Variants in CNTNAP4 observed in about 807,000 individuals in gnomAD.
CNTNAP4 encodes the protein contactin associated protein family member 4.
In CNTNAP4, 98 loss-of-function variants were observed where a neutral mutation model predicts 148.4. The observed-to-expected ratio is 0.66, with a 90% CI of 0.56 to 0.78. The LOEUF is 0.78. Ranked by LOEUF, CNTNAP4 falls within the 30% of genes least tolerant of loss-of-function variation. CNTNAP4 has a pLI of 0.00. For synonymous variants in CNTNAP4, 730 were observed against 565.1 expected (o/e 1.29, Z -4.14); for missense variants, 1,935 against 1,565.6 (o/e 1.24, Z -3.98).
intron 3 of CNTNAP4, among the ~76,000 whole-genome samples, chr16:76,369,858 GGA>G (rs111937036): frequency 4.0e-5 from 6 of 150,240 alleles, no homozygotes; most frequent in East Asian, 1.9e-4. Context: ...AGGGAGGGAG[GGA>G]GAGAGAGAGA....
At chr16:76,469,829 T>C (rs2081301786) in intron 10 of CNTNAP4, among the ~76,000 whole-genome samples, 1 of 152,194 alleles carries the variant, frequency 6.6e-6, no homozygotes, top group Non-Finnish European at 1.5e-5. Flanking sequence ...ATCTTAAAAA[T>C]ATAGCAAAAA....
chr16:76,417,028 G>A (rs2079011504), intron 3 of CNTNAP4, among the ~76,000 whole-genome samples: 1 of 151,008 alleles, frequency 6.6e-6, no homozygotes, highest in African/African-American at 2.4e-5. Context: ...TAGCTCCTTC[G>A]GCTTTTATTT....
rs71134761 is a variant in CNTNAP4 at position 76,451,599 on chromosome 16, A to ATGTGTGTGTGTGTGTGTG, written c.1072-891_1072-874dup. Among the ~76,000 whole-genome samples the ATGTGTGTGTGTGTGTGTG allele has an allele frequency of 4.9e-3, 693 of 141,348 alleles. 2 individuals are homozygous for ATGTGTGTGTGTGTGTGTG. Among genetic ancestry groups the ATGTGTGTGTGTGTGTGTG allele is most frequent in the African/African-American group, 5.8e-3 (226 of 38,940 alleles). 92.7% of individuals were successfully genotyped at this position (141,348 alleles called of 152,430 possible). ...ATAAAAATAAAAATATTTTAGATAGATGTGTGTGTGTGTGTGTGTGTGTGT... is the reference window on the plus strand; with the variant it reads ...ATAAAAATAAAAATATTTTAGATAGATGTGTGTGTGTGTGTGTGTGTGTGTGTGTGTGTGTGTGTGTGT... On this transcript the variant is annotated intron_variant, in intron 7 of 23. Transcript: ENST00000611870.
At chr16:76,373,007 C>T (rs1290595635) in intron 3 of CNTNAP4, among the ~76,000 whole-genome samples, 1 of 152,168 alleles carries the variant, frequency 6.6e-6, no homozygotes, top group Non-Finnish European at 1.5e-5. Flanking sequence ...TACTTCGAAT[C>T]TGAAATACAA....
intron 18 of CNTNAP4, among the ~76,000 whole-genome samples, chr16:76,537,453 T>C (rs908179447): frequency 3.0e-4 from 28 of 92,842 alleles, no homozygotes; most frequent in Admixed American, 9.4e-4. Context: ...GGTGTGTGTG[T>C]GTGAGAGAGA....
Position 76,409,310 on chromosome 16 carries a change from CTTAAAA to C in CNTNAP4, c.391-18134_391-18129del, listed in dbSNP as rs566904427. 1.0e-3 allele frequency among the ~76,000 whole-genome samples: 154 copies of C among 151,898 alleles called. 1 individual carries two copies. The highest frequency in any genetic ancestry group is 3.2e-3 in the African/African-American group (134 of 41,478). On this transcript the variant is annotated intron_variant, in intron 3 of 23. Coordinates refer to ENST00000611870, the MANE Select transcript of CNTNAP4 (RefSeq NM_033401.5). ...CTATATATTATGAATAATGTAGTTT[CTTAAAA>C]TTAAAATAAGCAGAGTTTAAAGTAC...
At chr16:76,362,017 G>T (rs190971174) in intron 3 of CNTNAP4, among the ~76,000 whole-genome samples, 1 of 151,892 alleles carries the variant, frequency 6.6e-6, no homozygotes, top group Non-Finnish European at 1.5e-5. Context: ...TTAAAATCAG[G>T]TTTTTTCCCC....
At chr16:76,296,034 C>T (rs145145589) in intron 1 of CNTNAP4, among the ~76,000 whole-genome samples, 237 of 152,236 alleles carry the variant, frequency 1.6e-3, no homozygotes, top group African/African-American at 5.3e-3. Context: ...AACTCTCTTC[C>T]TAAACTTCTC....
chr16:76,360,983 A>ATT (rs879464379), intron 3 of CNTNAP4, among the ~76,000 whole-genome samples: 1 of 144,282 alleles, frequency 6.9e-6, no homozygotes, highest in East Asian at 2.0e-4. Flanking sequence ...CACCCGGCTA[A>ATT]TTTTTTTTTT....
intron 3 of CNTNAP4, among the ~76,000 whole-genome samples, chr16:76,371,752 C>G (rs1483417371): frequency 2.6e-5 from 4 of 152,256 alleles, no homozygotes; most frequent in Non-Finnish European, 1.5e-5. Flanking sequence ...CAGCTCCAAG[C>G]TCAGGTGTTT....
chr16:76,336,402 A>G (rs1307145792), intron 2 of CNTNAP4, among the ~76,000 whole-genome samples: 2 of 152,238 alleles, frequency 1.3e-5, no homozygotes, highest in Non-Finnish European at 2.9e-5. Context: ...AGGAGCATTT[A>G]CACCACGGGA....
chr16:76,459,291 C>T (rs937029794), intron 8 of CNTNAP4, among the ~76,000 whole-genome samples: 1 of 152,186 alleles, frequency 6.6e-6, no homozygotes, highest in African/African-American at 2.4e-5. Flanking sequence ...CAGTCCTGTA[C>T]CATCAAGGAT....
At chr16:76,369,376 T>G (rs1422037716) in intron 3 of CNTNAP4, among the ~76,000 whole-genome samples, 1 of 152,206 alleles carries the variant, frequency 6.6e-6, no homozygotes, top group African/African-American at 2.4e-5. Flanking sequence ...GAACCAAGTA[T>G]ATACATGAAA....
chr16:76,305,255 T>C (rs1281644859), intron 1 of CNTNAP4, among the ~76,000 whole-genome samples: 1 of 152,200 alleles, frequency 6.6e-6, no homozygotes, highest in Admixed American at 6.5e-5. Flanking sequence ...CCTGGTTTAA[T>C]TCTCATTTTG....
chr16:76,434,824 A>G (rs1264638613), intron 4 of CNTNAP4, among the ~76,000 whole-genome samples: 1 of 152,182 alleles, frequency 6.6e-6, no homozygotes, highest in Non-Finnish European at 1.5e-5. Flanking sequence ...CACTGGGGAA[A>G]TGACCACAGG....
chr16:76,333,093 T>G (rs1567739135), intron 2 of CNTNAP4, among the ~76,000 whole-genome samples: 2 of 152,192 alleles, frequency 1.3e-5, no homozygotes, highest in African/African-American at 4.8e-5. Context: ...ATAAGGTTTG[T>G]TTTAAGGTTT....
chr16:76,403,390 G>A (rs1027851682), intron 3 of CNTNAP4, among the ~76,000 whole-genome samples: 3 of 152,242 alleles, frequency 2.0e-5, no homozygotes, highest in African/African-American at 7.2e-5. Context: ...ACTGCGCCCA[G>A]CCGTGAACAC....
chr16:76,299,593 C>T (rs1301090963), intron 1 of CNTNAP4, among the ~76,000 whole-genome samples: 1 of 152,056 alleles, frequency 6.6e-6, no homozygotes, highest in Non-Finnish European at 1.5e-5. Flanking sequence ...GTGGCGATTC[C>T]TCAGGGATCT....
intron 21 of CNTNAP4, among the ~76,000 whole-genome samples, chr16:76,551,280 CCCAG>C (rs1423826447): frequency 6.6e-6 from 1 of 151,832 alleles, no homozygotes; most frequent in Non-Finnish European, 1.5e-5. Flanking sequence ...AGGCGTCAAT[CCCAG>C]CTACTCGGGA....
Sources: allele counts gnomAD v4.1 joint callset (sites outside exome capture counted in the v4.1 genomes callset), GRCh38; gene constraint gnomAD v4.1.1; transcripts MANE v1.5; gene names NCBI Gene and HGNC (gene_info 2026-07-23, HGNC 2026-07-21).